Variants in DLG2 observed in about 807,000 individuals in gnomAD.
DLG2 encodes the protein discs large MAGUK scaffold protein 2, also known as disks large homolog 2.
In DLG2, 45 loss-of-function variants were observed where a neutral mutation model predicts 132.5. The ratio of observed to expected loss-of-function variants is 0.34; its 90% CI spans 0.27 to 0.44. The LOEUF is 0.44. DLG2 is among the 20% of genes least tolerant of loss of function. DLG2 has a pLI of 1.00. For synonymous variants in DLG2, 424 were observed against 419.6 expected (o/e 1.01, Z -0.13); for missense variants, 1,045 against 1,196.9 (o/e 0.87, Z 1.87).
At chr11:83,754,185 G>T (rs975332926) in intron 18 of DLG2, among the ~76,000 whole-genome samples, 2 of 150,286 alleles carry the variant, frequency 1.3e-5, no homozygotes, top group Non-Finnish European at 2.9e-5. Context: ...AAAAATACTT[G>T]ACCCCCGCAA....
At chr11:85,520,645 T>G (rs1311353019) in intron 3 of DLG2, among the ~76,000 whole-genome samples, 1 of 151,590 alleles carries the variant, frequency 6.6e-6, no homozygotes, top group Non-Finnish European at 1.5e-5. Context: ...AACAGCATGG[T>G]ATTGGCATAA....
At chr11:84,061,589 A>C (rs1221733651) in intron 10 of DLG2, among the ~76,000 whole-genome samples, 2 of 152,188 alleles carry the variant, frequency 1.3e-5, no homozygotes, top group Non-Finnish European at 2.9e-5. Context: ...GAATAGTTTC[A>C]TGTATGTTGT....
At chr11:84,082,576 G>A (rs1475085115) in intron 10 of DLG2, among the ~76,000 whole-genome samples, 1 of 152,182 alleles carries the variant, frequency 6.6e-6, no homozygotes, top group African/African-American at 2.4e-5. Flanking sequence ...TGATGTATTT[G>A]TGCTTTTAAT....
At chr11:83,649,440 C>G (rs1303430811) in intron 18 of DLG2, among the ~76,000 whole-genome samples, 1 of 152,050 alleles carries the variant, frequency 6.6e-6, no homozygotes. Flanking sequence ...AATGACTCAG[C>G]TTGTAAAGAA....
chr11:84,936,702 T>G (rs964816706), intron 6 of DLG2: 1 of 152,200 alleles, frequency 6.6e-6, no homozygotes, highest in Non-Finnish European at 1.5e-5. Flanking sequence ...ACTTTCCTAA[T>G]TTTTCTACAA....
intron 4 of DLG2, among the ~76,000 whole-genome samples, chr11:85,256,536 T>A (rs2076672958): frequency 6.6e-6 from 1 of 152,184 alleles, no homozygotes; most frequent in Non-Finnish European, 1.5e-5. Flanking sequence ...AAAAGCACAC[T>A]GTAACACATA....
intron 3 of DLG2, among the ~76,000 whole-genome samples, chr11:85,445,027 G>C (rs1186972004): frequency 6.6e-6 from 1 of 152,124 alleles, no homozygotes. Context: ...TAAAATAAGA[G>C]AAAGAACAGA....
At chr11:85,502,772 C>G (rs1390863031) in intron 3 of DLG2, among the ~76,000 whole-genome samples, 1 of 152,088 alleles carries the variant, frequency 6.6e-6, no homozygotes, top group Non-Finnish European at 1.5e-5. Context: ...ACCTATGTAA[C>G]AAACCCGCAC....
chr11:84,831,761 C>T (rs1599160607), intron 6 of DLG2, among the ~76,000 whole-genome samples: 1 of 151,632 alleles, frequency 6.6e-6, no homozygotes, highest in East Asian at 1.9e-4. Flanking sequence ...GGCAAATACT[C>T]ATATTCAACT....
intron 21 of DLG2, among the ~76,000 whole-genome samples, chr11:83,516,753 G>T (rs538661048): frequency 6.6e-6 from 1 of 152,162 alleles, no homozygotes; most frequent in African/African-American, 2.4e-5. Flanking sequence ...TTGCTTGTCT[G>T]TAAAGTATTT....
At chr11:83,773,734 A>AT (rs2094482710) in intron 18 of DLG2, among the ~76,000 whole-genome samples, 2 of 152,142 alleles carry the variant, frequency 1.3e-5, no homozygotes, top group Admixed American at 1.3e-4. Context: ...AGGTATGGTC[A>AT]TTTTTTTGGC....
At chr11:85,429,790 G>T (rs1350123949) in intron 3 of DLG2, among the ~76,000 whole-genome samples, 1 of 152,230 alleles carries the variant, frequency 6.6e-6, no homozygotes, top group East Asian at 1.9e-4. Flanking sequence ...CATTGTGGAA[G>T]TCAGTGTGGC....
Position 85,230,925 on chromosome 11 carries a change from A to G in DLG2, c.186+54295T>C, listed in dbSNP as rs183933672. 4.0e-4 allele frequency among the ~76,000 whole-genome samples: 61 copies of G among 152,036 alleles called. No homozygotes were observed. In the East Asian group the frequency reaches 0.01, roughly 26 times the overall value. ...CCACGTGAGGATACAGCAAGAAGAC[A>G]CCATCTTGAAAGTAAAGAACAAGCC... On this transcript the variant is annotated intron_variant, in intron 4 of 27. Coordinates refer to ENST00000376104, the MANE Select transcript of DLG2 (RefSeq NM_001142699.3).
At chr11:84,191,138 C>T (rs1478495087) in intron 8 of DLG2, among the ~76,000 whole-genome samples, 1 of 152,140 alleles carries the variant, frequency 6.6e-6, no homozygotes, top group South Asian at 2.1e-4. Context: ...AATGTGCAAT[C>T]TGGAGAAAGT....
chr11:85,493,278 T>C (rs1447958300), intron 3 of DLG2, among the ~76,000 whole-genome samples: 1 of 152,184 alleles, frequency 6.6e-6, no homozygotes, highest in Non-Finnish European at 1.5e-5. Context: ...AACTTACAAC[T>C]ACACTATACT....
At chr11:84,641,762 G>T (rs1166541613) in intron 6 of DLG2, among the ~76,000 whole-genome samples, 1 of 151,992 alleles carries the variant, frequency 6.6e-6, no homozygotes, top group Non-Finnish European at 1.5e-5. Context: ...ATCAGATTAT[G>T]AAGATTATAT....
At chr11:84,078,430 T>C (rs892419980) in intron 10 of DLG2, among the ~76,000 whole-genome samples, 2 of 152,194 alleles carry the variant, frequency 1.3e-5, no homozygotes, top group Non-Finnish European at 2.9e-5. Flanking sequence ...ACCTAATCAT[T>C]AGAGTCACCG....
At chr11:85,137,439 A>G (rs1435081637) in intron 5 of DLG2, among the ~76,000 whole-genome samples, 1 of 152,134 alleles carries the variant, frequency 6.6e-6, no homozygotes, top group East Asian at 1.9e-4. Context: ...AGAGTGGTCT[A>G]TGTTATTTCC....
chr11:84,401,239 T>C (rs576862037), intron 7 of DLG2, among the ~76,000 whole-genome samples: 51 of 152,184 alleles, frequency 3.4e-4, no homozygotes, highest in Non-Finnish European at 6.5e-4. Context: ...AGACTGTAAG[T>C]TCTTCAAGGG....
Sources: allele counts gnomAD v4.1 joint callset (sites outside exome capture counted in the v4.1 genomes callset), GRCh38; gene constraint gnomAD v4.1.1; transcripts MANE v1.5; gene names NCBI Gene and HGNC (gene_info 2026-07-23, HGNC 2026-07-21).